PHF20: variants seen among roughly 807,000 people sequenced by gnomAD.
PHF20 encodes the protein PHD finger protein 20, also known as glioma-expressed antigen 2.
Under a neutral mutation model 113.5 loss-of-function variants are expected in PHF20, and 23 were observed. The ratio of observed to expected loss-of-function variants is 0.20; its 90% confidence interval spans 0.15 to 0.29. The LOEUF (loss-of-function observed/expected upper bound fraction) is 0.29. Ranked by LOEUF, PHF20 falls within the 10% of genes least tolerant of loss-of-function variation. PHF20 has a pLI of 1.00. For synonymous variants in PHF20, 434 were observed against 457.3 expected (o/e 0.95, Z 0.65); for missense variants, 943 against 1,219.6 (o/e 0.77, Z 3.38).
intron 4 of PHF20, among the ~76,000 whole-genome samples, chr20:35,849,958 T>C (rs2042689935): frequency 6.6e-6 from 1 of 152,160 alleles, no homozygotes; most frequent in Non-Finnish European, 1.5e-5. Context: ...AGCCAGAGTG[T>C]GGAAGTGGCA....
intron 10 of PHF20, among the ~76,000 whole-genome samples, chr20:35,904,277 A>ATTTTTTTT (rs34412788): frequency 1.0e-5 from 1 of 98,924 alleles, no homozygotes; most frequent in Non-Finnish European, 2.0e-5. Flanking sequence ...GAATGCTCTG[A>ATTTTTTTT]TTTTTTTTTT....
intron 9 of PHF20, among the ~76,000 whole-genome samples, chr20:35,891,484 T>C (rs937533003): frequency 3.3e-5 from 5 of 151,892 alleles, no homozygotes; most frequent in African/African-American, 9.7e-5. Flanking sequence ...ACAGGATCCA[T>C]AAAATACTTA....
intron 1 of PHF20, among the ~76,000 whole-genome samples, chr20:35,774,207 C>T (rs1330755837): frequency 4.5e-4 from 69 of 151,882 alleles, no homozygotes; most frequent in Admixed American, 4.5e-3. Flanking sequence ...CTCAGCCTCC[C>T]GAGCAGCTGG....
chr20:35,833,876 G>A (rs1185657634), intron 2 of PHF20, among the ~76,000 whole-genome samples: 1 of 152,010 alleles, frequency 6.6e-6, no homozygotes, highest in Admixed American at 6.6e-5. Flanking sequence ...TGGCCAACAT[G>A]GTGAAACCCC....
chr20:35,860,442 A>G lies in PHF20; in HGVS notation c.420+2061A>G, dbSNP rs545272078. On this transcript the variant is annotated intron_variant, in intron 5 of 17. Transcript: ENST00000374012. ...TTTTAATAGAGATGGGGGTTTCACC[A>G]TGTTGGCCAGGCTGGTCTTGAAGTC... 4.6e-3 allele frequency among the ~76,000 whole-genome samples: 704 copies of G among 152,090 alleles called. 6 individuals carry two copies. Among genetic ancestry groups the G allele is most frequent in the South Asian group, 8.1e-3 (39 of 4,806 alleles).
At chr20:35,782,276 T>C (rs2146831074) in intron 1 of PHF20, 1 of 151,798 alleles carries the variant, frequency 6.6e-6, no homozygotes, top group East Asian at 1.9e-4. Flanking sequence ...TTTTTTTCTT[T>C]TTTTCTTTTT....
chr20:35,948,531 A>G lies in PHF20; in HGVS notation c.*904A>G, dbSNP rs1489738619. ...TTTATATTGTTGTAAACAAACTTCA[A>G]ATTCTACATGTGCGACTTTTCTCCT... On this transcript the variant is annotated 3_prime_UTR_variant, in exon 18 of 18. Coordinates refer to ENST00000374012, the MANE Select transcript of PHF20 (RefSeq NM_016436.5). The G allele has an allele frequency of 1.3e-5, 2 of 152,640 alleles. No homozygotes were observed. The highest frequency in any genetic ancestry group is 2.9e-5 in the Non-Finnish European group (2 of 68,042). 9.5% of individuals were successfully genotyped at this position (152,640 alleles called of 1,614,324 possible). A position where few individuals can be genotyped will look rare whatever the true frequency, so the allele number is the denominator to read the frequency against.
chr20:35,807,677 T>C (rs2041909349), intron 2 of PHF20, among the ~76,000 whole-genome samples: 1 of 152,166 alleles, frequency 6.6e-6, no homozygotes, highest in Admixed American at 6.6e-5. Context: ...ATATTTTTTC[T>C]CTTTGGTTAT....
chr20:35,820,778 C>T (rs1023025618), intron 2 of PHF20, among the ~76,000 whole-genome samples: 1 of 151,842 alleles, frequency 6.6e-6, no homozygotes, highest in Non-Finnish European at 1.5e-5. Context: ...GGGTAGAGTG[C>T]CTCTATGTGT....
At chr20:35,843,210 G>A (rs1776826086) in intron 3 of PHF20, among the ~76,000 whole-genome samples, 1 of 151,664 alleles carries the variant, frequency 6.6e-6, no homozygotes, top group South Asian at 2.1e-4. Context: ...TTGTTAAGCT[G>A]TCTGGTCTTT....
chr20:35,869,314 A>G, intron 6 of PHF20, 124 bp from the exon 7 acceptor site: 1 of 494,942 alleles, frequency 2.0e-6, no homozygotes, highest in Non-Finnish European at 3.5e-6. Flanking sequence ...TGCCCTTTTG[A>G]TGGCCCATTT....
At chr20:35,840,957 C>T (rs1016479636) in intron 2 of PHF20, among the ~76,000 whole-genome samples, 1 of 152,156 alleles carries the variant, frequency 6.6e-6, no homozygotes, top group Non-Finnish European at 1.5e-5. Flanking sequence ...CCACAAGTAA[C>T]CTTTGTTGTT....
In PHF20 at chr20:35,947,530, A is replaced by G; in HGVS notation, c.2942A>G (p.Glu981Gly). 6.2e-7 allele frequency: 1 copy of G among 1,614,024 alleles called. No homozygotes were observed. The highest frequency in any genetic ancestry group is 8.5e-7 in the Non-Finnish European group (1 of 1,179,976). The change falls in exon 18 of 18, where the codon GAG becomes GGG. Residue 981 changes from glutamate (E) to glycine (G), a missense_variant. This residue lies in a region of PHF20 where 349 missense variants were observed against 412.3 expected (regional missense o/e 0.85). Transcript: ENST00000374012. The part of the protein sequence containing the change: ...LDYTGELEPP[E>G]PLARLPQLKH... ...TACACTGGGGAACTGGAGCCCCCTG[A>G]GCCGCTGGCCAGGCTTCCGCAGCTC...
At position 35,939,060 on chromosome 20, in the gene PHF20, C is replaced by T. The variant is rs1297537239; in HGVS notation, c.2664C>T (p.Asp888=). The change falls in exon 16 of 18, where the codon GAC becomes GAT. Residue 888 remains aspartate, a synonymous_variant. Coordinates refer to ENST00000374012, the MANE Select transcript of PHF20 (RefSeq NM_016436.5). The stretch of plus-strand genomic sequence containing the variant: ...CCCCGCGCCTGGGCTGGCCTCTAGA[C>T]CAAGACAGGAGCAAGGGGGACAGTG... ...SLSPRLGWPL[D]QDRSKGDSDP... 2 of 1,614,060 alleles carry T rather than the reference C, an allele frequency of 1.2e-6. No individual in the cohort carries two copies. Among genetic ancestry groups the T allele is most frequent in the African/African-American group, 2.7e-5 (2 of 75,052 alleles).
intron 10 of PHF20, among the ~76,000 whole-genome samples, chr20:35,906,768 C>A (rs2055207957): frequency 6.6e-6 from 1 of 152,162 alleles, no homozygotes; most frequent in East Asian, 1.9e-4. Flanking sequence ...CTCAAGGGAA[C>A]ATGGAACATG....
intron 1 of PHF20, among the ~76,000 whole-genome samples, chr20:35,791,020 G>T (rs1462433035): frequency 6.6e-6 from 1 of 151,940 alleles, no homozygotes; most frequent in Admixed American, 6.6e-5. Context: ...CACCATGCCC[G>T]GCTAATTTTT....
chr20:35,795,214 A>G (rs1341213481), intron 1 of PHF20, among the ~76,000 whole-genome samples: 5 of 151,636 alleles, frequency 3.3e-5, no homozygotes, highest in African/African-American at 9.7e-5. Flanking sequence ...AAAGGAAGAA[A>G]AATCTGCTAT....
rs774081105 is a variant in PHF20, at chr20:35,938,824, A to G, written c.2428A>G (p.Arg810Gly). 1.2e-6 allele frequency: 2 copies of G among 1,614,094 alleles called. No individual in the cohort carries two copies. The highest frequency in any genetic ancestry group is 1.3e-5 in the African/African-American group (1 of 74,948). Residue 810 changes from arginine to glycine, a missense_variant, in exon 16 of 18, where the codon AGA becomes GGA. Physicochemically the swap from Arg to Gly is moderately radical, Grantham distance 125 (BLOSUM62 -2). This residue lies in a region of PHF20 where 349 missense variants were observed against 412.3 expected (regional missense o/e 0.85). Coordinates refer to ENST00000374012, the MANE Select transcript of PHF20 (RefSeq NM_016436.5). Reference protein sequence around the residue: ...TRSKEEAPSYRTLNGAVEKPR... With the variant: ...TRSKEEAPSYGTLNGAVEKPR... ...GAGCAAGGAGGAAGCTCCAAGCTAT[A>G]GAACTTTGAACGGGGCAGTGGAGAA... is the stretch of plus-strand genomic sequence containing the variant.
intron 13 of PHF20, among the ~76,000 whole-genome samples, chr20:35,926,771 C>T (rs990842568): frequency 4.6e-5 from 7 of 152,134 alleles, no homozygotes; most frequent in Non-Finnish European, 8.8e-5. Flanking sequence ...ATGTGACTCC[C>T]AGTGGTTGAG....
Sources: allele counts gnomAD v4.1 joint callset (sites outside exome capture counted in the v4.1 genomes callset), GRCh38; gene constraint gnomAD v4.1.1; regional missense constraint gnomAD v4.1.1; transcripts MANE v1.5; gene names NCBI Gene and HGNC (gene_info 2026-07-23, HGNC 2026-07-21).